Variants in ERCC3 observed in about 807,000 individuals in gnomAD.
ERCC3 encodes general transcription and DNA repair factor IIH helicase/translocase subunit XPB.
Under a neutral mutation model 94.2 loss-of-function variants are expected in ERCC3, and 66 were observed. That is an observed-to-expected ratio of 0.70 (90% confidence interval 0.57 to 0.86). The LOEUF is 0.86. Among genes scored for constraint, ERCC3 ranks in the 40% least tolerant of loss-of-function variants. The pLI is 0.00. For missense variants in ERCC3, 829 were observed against 987.1 expected (o/e 0.84, Z 2.15); for synonymous variants, 349 against 369.1 (o/e 0.95, Z 0.63).
rs1357773042 is a variant in ERCC3 at position 127,279,686 on chromosome 2, G to A, written c.1528-311C>T. The stretch of plus-strand genomic sequence containing the variant: ...CTAAGGCAGGAGAATCACTTGCCCA[G>A]GAGGCGGAGGTTGCAGTGAGCCAAG... On this transcript the variant is annotated intron_variant, in intron 9 of 14. Transcript: ENST00000285398. This position sits in a 1 kb window ranked among gnomAD's most constrained non-coding sequence, Gnocchi z 4.7. Among the ~76,000 whole-genome samples the A allele has an allele frequency of 1.3e-5, 2 of 152,112 alleles. No individual in the cohort carries two copies. Among genetic ancestry groups the A allele is most frequent in the Non-Finnish European group, 2.9e-5 (2 of 68,022 alleles).
At chr2:127,294,028 C>T (rs1231668419) in intron 1 of ERCC3, 26 bp downstream of exon 1, 2 of 1,603,140 alleles carry the variant, frequency 1.2e-6, no homozygotes, top group African/African-American at 1.3e-5. Context: ...GCAGTCGTGG[C>T]TGAGCGTGCC....
At chr2:127,292,085 T>G in intron 3 of ERCC3, 1 of 221,272 alleles carries the variant, frequency 4.5e-6, no homozygotes, top group Non-Finnish European at 9.2e-6. Context: ...TGTACTCACA[T>G]GACAAGAAGG....
rs909545386 is a variant in ERCC3 at position 127,288,512 on chromosome 2, T to C, written c.1027+148A>G. 3.7e-6 allele frequency: 3 copies of C among 801,500 alleles called. No homozygotes were observed. The African/African-American group carries it at 5.0e-5, about 13-fold the overall frequency. 49.6% of individuals were successfully genotyped at this position (801,500 alleles called of 1,614,324 possible). On this transcript the variant is annotated intron_variant, in intron 7 of 14. Coordinates refer to ENST00000285398, the MANE Select transcript of ERCC3 (RefSeq NM_000122.2). ...GGCCCATACACAGCAAGCACTCAAA[T>C]ATTTGTCAAGTCATGAATCAGGGAG...
chr2:127,280,626 T>C lies in ERCC3; in HGVS notation c.1348A>G (p.Met450Val), dbSNP rs200291162. The change falls in exon 9 of 15, where the codon ATG becomes GTG. Residue 450 changes from methionine (M) to valine (V), a missense_variant. Transcript: ENST00000285398. This position sits in a 1 kb window ranked among gnomAD's most constrained non-coding sequence, Gnocchi z 6.3. ...ACGATGGTGAGCACCCTTCGGAACA[T>C]CTTGGCTGAGGAAACAATGGGAGCA... is the stretch of plus-strand genomic sequence containing the variant. ...LDEVHTIPAK[M>V]FRRVLTIVQA... The C allele has an allele frequency of 1.7e-5, 27 of 1,613,896 alleles. No individual in the cohort carries two copies. The highest frequency in any genetic ancestry group is 6.7e-5 in the African/African-American group (5 of 74,932).
intron 3 of ERCC3, chr2:127,290,563 C>G: frequency 2.1e-6 from 1 of 478,708 alleles, no homozygotes; most frequent in South Asian, 2.0e-5. Flanking sequence ...ATTCCCACAG[C>G]CCCCACCCTA....
chr2:127,260,463 TCTAGGCCAGCATGAGAGGTCTG>T (rs1684156767), intron 13 of ERCC3: 1 of 152,308 alleles, frequency 6.6e-6, no homozygotes, highest in Non-Finnish European at 1.5e-5. Context: ...CATCTTGTCC[TCTAGGCCAGCATGAGAGGTCTG>T]AAGTGTCACT....
rs1425107278 is a variant in ERCC3 at position 127,291,186 on chromosome 2, C to T, written c.472-913G>A. ...CAGTGCACCAACACCTACATCCCTG[C>T]AGGCAATTCGCAGCCAAGACCAGGC... On this transcript the variant is annotated intron_variant, in intron 3 of 14. Transcript: ENST00000285398. This position sits in a 1 kb window ranked among gnomAD's most constrained non-coding sequence, Gnocchi z 4.9. 5.3e-5 allele frequency among the ~76,000 whole-genome samples: 8 copies of T among 152,218 alleles called. No homozygotes were observed. Among genetic ancestry groups the T allele is most frequent in the Admixed American group, 5.2e-4 (8 of 15,288 alleles).
In ERCC3 at chr2:127,287,055, G is replaced by T. The variant is rs139474655; in HGVS notation, c.1028-38C>A. 1.9e-6 allele frequency: 3 copies of T among 1,543,396 alleles called. No homozygotes were observed. The East Asian group carries it at 6.7e-5, about 35-fold the overall frequency. On this transcript the variant is annotated intron_variant, in intron 7 of 14. Transcript: ENST00000285398. The stretch of plus-strand genomic sequence containing the variant: ...AGAGTGCAATCCCACCCAAGGACAG[G>T]TTGAAATGAAGGACAGGGACAGGCA...
chr2:127,282,485 A>G (rs890390383), intron 8 of ERCC3, among the ~76,000 whole-genome samples: 1 of 152,250 alleles, frequency 6.6e-6, no homozygotes, highest in African/African-American at 2.4e-5. Context: ...CACAAGTACC[A>G]TAATATGAAT....
intron 12 of ERCC3, among the ~76,000 whole-genome samples, chr2:127,266,333 C>CTT (rs58029182): frequency 0.02 from 2,216 of 111,068 alleles, 176 homozygotes; most frequent in African/African-American, 0.068. Flanking sequence ...TTTATTGAGT[C>CTT]TTTTTTTTTT....
Position 127,280,715 on chromosome 2 carries a change from T to C in ERCC3, c.1343-84A>G, listed in dbSNP as rs1406413577. The C allele has an allele frequency of 2.4e-6, 3 of 1,268,286 alleles. No individual in the cohort carries two copies. Among genetic ancestry groups the C allele is most frequent in the Admixed American group, 4.0e-5 (2 of 49,578 alleles). 78.6% of individuals were successfully genotyped at this position (1,268,286 alleles called of 1,614,324 possible). A position where few individuals can be genotyped will look rare whatever the true frequency, so the allele number is the denominator to read the frequency against. The stretch of plus-strand genomic sequence containing the variant: ...TATTTTAAAATATTTTTTGTAGAGA[T>C]GGGGTCTCATTATATTGCCCAGGCT... On this transcript the variant is annotated intron_variant, in intron 8 of 14. Transcript: ENST00000285398. The surrounding 1 kb of genome is among the most constrained non-coding windows in gnomAD (Gnocchi z 6.3).
In ERCC3 at chr2:127,280,937, A is replaced by G. The variant is rs527571206; in HGVS notation, c.1343-306T>C. On this transcript the variant is annotated intron_variant, in intron 8 of 14. Transcript: ENST00000285398. The surrounding 1 kb of genome is among the most constrained non-coding windows in gnomAD (Gnocchi z 6.3). ...ACCACAGAAGCTGGCTCTAGACAAG[A>G]ATGACTAGGCAAATGCTTCACCATC... The G allele has an allele frequency of 1.6e-5, 8 of 501,296 alleles. No homozygotes were observed. Among genetic ancestry groups the G allele is most frequent in the Admixed American group, 7.0e-5 (2 of 28,432 alleles). 31.1% of individuals were successfully genotyped at this position (501,296 alleles called of 1,614,324 possible).
rs1200552239 is a variant in ERCC3, at chr2:127,272,921, G to A, written c.1771C>T (p.Gln591Ter). The A allele has an allele frequency of 1.9e-6, 3 of 1,613,496 alleles. No individual in the cohort carries two copies. Among genetic ancestry groups the A allele is most frequent in the South Asian group, 1.1e-5 (1 of 91,062 alleles). ...YGPTSQGERM[Q>*]ILQNFKHNPK... is the part of the protein sequence containing the mutation. ...TTGTGCTTGAAATTCTGGAGAATTTGCATCCTTTCCCCCTGAGACGTAGGT... is the reference window on the plus strand; with the variant it reads ...TTGTGCTTGAAATTCTGGAGAATTTACATCCTTTCCCCCTGAGACGTAGGT... The change falls in exon 11 of 15, where the codon CAA (glutamine) becomes TAA (stop). Residue 591 changes from glutamine (Q) to a stop codon, truncating the protein, a stop_gained. Transcript: ENST00000285398. LOFTEE classifies it high-confidence loss of function.
At chr2:127,289,560 A>T in intron 5 of ERCC3, 59 bp from the exon 6 acceptor site, 22 of 1,606,510 alleles carry the variant, frequency 1.4e-5, no homozygotes, top group Non-Finnish European at 1.9e-5. Context: ...GTTATCAAGC[A>T]ATGGGTGAAG....
chr2:127,270,792 C>T (rs543561910), intron 12 of ERCC3, among the ~76,000 whole-genome samples: 3 of 152,310 alleles, frequency 2.0e-5, no homozygotes, highest in East Asian at 1.9e-4. Flanking sequence ...GGGTGCCACG[C>T]CTCCTCAGAA....
Position 127,277,102 on chromosome 2 carries a change from C to T in ERCC3, c.1730+2071G>A, listed in dbSNP as rs1258808755. 2.6e-5 allele frequency among the ~76,000 whole-genome samples: 4 copies of T among 152,216 alleles called. No homozygotes were observed. The highest frequency in any genetic ancestry group is 9.6e-5 in the African/African-American group (4 of 41,510). Reference sequence around the variant, plus strand: ...AGGGTGGAGATTTCAGGGTGGGAAACACAACAAAGAGGCCCAGGGAAGTCA... The same window carrying T: ...AGGGTGGAGATTTCAGGGTGGGAAATACAACAAAGAGGCCCAGGGAAGTCA... On this transcript the variant is annotated intron_variant, in intron 10 of 14. Transcript: ENST00000285398. The surrounding 1 kb of genome is among the most constrained non-coding windows in gnomAD (Gnocchi z 5.1).
In ERCC3 at chr2:127,274,310, G is replaced by A. The variant is rs1222474865; in HGVS notation, c.1731-1349C>T. On this transcript the variant is annotated intron_variant, in intron 10 of 14. Transcript: ENST00000285398. The surrounding 1 kb of genome is among the most constrained non-coding windows in gnomAD (Gnocchi z 4.0). ...AGCCTGGGCAACAGAGTGAGACTCC[G>A]TCTCAGAAAAAAAAAAAAAAGAAAA... Among the ~76,000 whole-genome samples the A allele has an allele frequency of 1.6e-4, 24 of 146,352 alleles. No homozygotes were observed. Among genetic ancestry groups the A allele is most frequent in the Non-Finnish European group, 2.5e-4 (17 of 66,988 alleles).
intron 8 of ERCC3, chr2:127,281,058 A>T (rs1203096762): frequency 2.3e-6 from 1 of 428,596 alleles, no homozygotes; most frequent in Non-Finnish European, 4.1e-6. Context: ...CATTCCCCTC[A>T]CAACAGTTAT....
Position 127,271,372 on chromosome 2 carries a change from C to T in ERCC3, c.1909G>A (p.Ala637Thr). 6.2e-7 allele frequency: 1 copy of T among 1,614,142 alleles called. No individual in the cohort carries two copies. Among genetic ancestry groups the T allele is most frequent in the Non-Finnish European group, 8.5e-7 (1 of 1,179,988 alleles). The change falls in exon 12 of 15, where the codon GCC (alanine) becomes ACC (threonine). Residue 637 changes from alanine (A) to threonine (T), a missense_variant. Coordinates refer to ENST00000285398, the MANE Select transcript of ERCC3 (RefSeq NM_000122.2). This position sits in a 1 kb window ranked among gnomAD's most constrained non-coding sequence, Gnocchi z 5.0. Reference sequence around the variant, plus strand: ...CGAAGCACCCGCCCTAGCCTTTGGGCTTCCTGACGCCTGGAGCCACCATGG... The same window carrying T: ...CGAAGCACCCGCCCTAGCCTTTGGGTTTCCTGACGCCTGGAGCCACCATGG... ...SSHGGSRRQE[A>T]QRLGRVLRAK...
Sources: gnomAD v4.1 joint callset for allele counts (sites outside exome capture counted in the v4.1 genomes callset) on GRCh38, gnomAD v4.1.1 for gene constraint, Gnocchi (gnomAD v3.1) non-coding constraint, MANE v1.5 for transcripts, NCBI Gene and HGNC (gene_info 2026-07-23, HGNC 2026-07-21) for gene names.